Variants in KCNAB1 observed in about 807,000 individuals in gnomAD.
KCNAB1 encodes potassium voltage-gated channel subfamily A regulatory beta subunit 1.
In KCNAB1, 35 loss-of-function variants were observed where a neutral mutation model predicts 64.6. That is an observed-to-expected ratio of 0.54 (90% CI 0.41 to 0.72). The LOEUF (loss-of-function observed/expected upper bound fraction) is 0.72. Among genes scored for constraint, KCNAB1 ranks in the 30% least tolerant of loss-of-function variants. The probability of loss-of-function intolerance (pLI) is 0.00; values close to 1 mark genes in which losing one functional copy is unlikely to be tolerated. For synonymous variants in KCNAB1, 177 were observed against 183.8 expected (o/e 0.96, Z 0.30); for missense variants, 401 against 512.9 (o/e 0.78, Z 2.11).
intron 1 of KCNAB1, among the ~76,000 whole-genome samples, chr3:156,221,788 A>ACCCC (rs1560144079): frequency 7.3e-6 from 1 of 137,392 alleles, no homozygotes; most frequent in African/African-American, 2.7e-5. Flanking sequence ...CCCCCCGCCA[A>ACCCC]AAAAAAAGTT....
intron 1 of KCNAB1, among the ~76,000 whole-genome samples, chr3:156,295,274 T>C (rs1720702423): frequency 6.6e-6 from 1 of 152,176 alleles, no homozygotes; most frequent in African/African-American, 2.4e-5. Flanking sequence ...CCCATTTTGC[T>C]ATCCAGAGAC....
chr3:156,140,661 A>T (rs1198653427), intron 1 of KCNAB1, among the ~76,000 whole-genome samples: 2 of 152,230 alleles, frequency 1.3e-5, no homozygotes, highest in African/African-American at 4.8e-5. Flanking sequence ...CACTAAAAAA[A>T]TTCATTTAGG....
chr3:156,289,090 C>T (rs1720251140), intron 1 of KCNAB1, among the ~76,000 whole-genome samples: 1 of 152,188 alleles, frequency 6.6e-6, no homozygotes, highest in African/African-American at 2.4e-5. Context: ...TTCTAATAAC[C>T]TACTCCCTGT....
intron 6 of KCNAB1, 81 bp from the exon 7 acceptor site, chr3:156,465,562 A>T: frequency 7.6e-7 from 1 of 1,317,326 alleles, no homozygotes; most frequent in South Asian, 1.2e-5. Flanking sequence ...AGGGTGCAAA[A>T]TTAGCAATTC....
At chr3:156,282,171 G>A (rs1314487491) in intron 1 of KCNAB1, among the ~76,000 whole-genome samples, 1 of 144,262 alleles carries the variant, frequency 6.9e-6, no homozygotes, top group Admixed American at 6.8e-5. Context: ...TTGTGTCTTT[G>A]TTCTCGTTGG....
chr3:156,471,592 T>C (rs983592454), intron 7 of KCNAB1, among the ~76,000 whole-genome samples: 4 of 152,220 alleles, frequency 2.6e-5, no homozygotes, highest in African/African-American at 9.6e-5. Context: ...CCTCCTTAGG[T>C]TAAGATTGGC....
chr3:156,439,192 CAA>C (rs34540022), intron 2 of KCNAB1, among the ~76,000 whole-genome samples: 1 of 132,078 alleles, frequency 7.6e-6, no homozygotes, highest in Non-Finnish European at 1.6e-5. Flanking sequence ...TGTAAATTCT[CAA>C]AAAAAAAAGT....
At chr3:156,178,777 G>A (rs936921135) in intron 1 of KCNAB1, among the ~76,000 whole-genome samples, 3 of 151,920 alleles carry the variant, frequency 2.0e-5, no homozygotes, top group East Asian at 1.9e-4. Flanking sequence ...CGAGACGGGC[G>A]GATCACGAGG....
At chr3:156,449,218 G>C (rs190362924) in intron 2 of KCNAB1, among the ~76,000 whole-genome samples, 1 of 152,094 alleles carries the variant, frequency 6.6e-6, no homozygotes, top group Non-Finnish European at 1.5e-5. Flanking sequence ...AACAATTATT[G>C]CTATATTTTT....
chr3:156,325,827 A>G (rs557836032), intron 1 of KCNAB1, among the ~76,000 whole-genome samples: 54 of 152,222 alleles, frequency 3.5e-4, no homozygotes, highest in African/African-American at 1.3e-3. Context: ...AAATTGTCAT[A>G]CCAACTCAGG....
rs149290467 is a variant in KCNAB1 at position 156,344,326 on chromosome 3, G to A, written c.276-77290G>A. On this transcript the variant is annotated intron_variant, in intron 1 of 13. Coordinates refer to ENST00000490337, the MANE Select transcript of KCNAB1 (RefSeq NM_172160.3). ...AAGAACTGCTCAACTTCTCAGCGCT[G>A]ATTTTTTTATGCTCTCTTCTCTCCT... Among the ~76,000 whole-genome samples the A allele has an allele frequency of 2.9e-3, 440 of 152,290 alleles. 5 individuals carry two copies. Among genetic ancestry groups the A allele is most frequent in the African/African-American group, 0.01 (417 of 41,548 alleles).
At chr3:156,159,915 C>T (rs982112550) in intron 1 of KCNAB1, among the ~76,000 whole-genome samples, 1 of 152,188 alleles carries the variant, frequency 6.6e-6, no homozygotes, top group African/African-American at 2.4e-5. Context: ...AGACATAGTT[C>T]CTTCTCTAAA....
At chr3:156,463,081 T>C (rs1270101667) in intron 5 of KCNAB1, among the ~76,000 whole-genome samples, 1 of 152,142 alleles carries the variant, frequency 6.6e-6, no homozygotes, top group Admixed American at 6.5e-5. Context: ...CTCAAAGACA[T>C]TTTTTTCCTG....
rs1391625264 is a variant in KCNAB1, at chr3:156,290,871, A to G, written c.276-130745A>G. On this transcript the variant is annotated intron_variant, in intron 1 of 13. Transcript: ENST00000490337. ...AAGTCTGCACTGTGGCATCTCAGGA[A>G]ACCAAACTTATCTGCTTAAGAAATA... 11 of 795,378 alleles carry G rather than the reference A, an allele frequency of 1.4e-5. No homozygotes were observed. In the African/African-American group the frequency reaches 1.7e-4, roughly 12 times the overall value. 49.3% of individuals were successfully genotyped at this position (795,378 alleles called of 1,614,324 possible). A position where few individuals can be genotyped will look rare whatever the true frequency, so the allele number is the denominator to read the frequency against.
At chr3:156,270,218 A>G (rs1348324855) in intron 1 of KCNAB1, among the ~76,000 whole-genome samples, 1 of 152,096 alleles carries the variant, frequency 6.6e-6, no homozygotes, top group Admixed American at 6.5e-5. Flanking sequence ...GCCCGGCCAT[A>G]TCTTTTTTAA....
chr3:156,474,000 TA>T (rs1220169926), intron 7 of KCNAB1, among the ~76,000 whole-genome samples: 3 of 152,198 alleles, frequency 2.0e-5, no homozygotes, highest in Non-Finnish European at 4.4e-5. Context: ...ACCAAATGGT[TA>T]GGGCTGAAAC....
intron 1 of KCNAB1, chr3:156,176,816 G>A (rs967830969): frequency 2.3e-6 from 2 of 883,000 alleles, no homozygotes; most frequent in Non-Finnish European, 3.8e-6. Flanking sequence ...CGGCTCCAGG[G>A]CCCGATCCCG....
At chr3:156,529,556 T>A (rs1477819683) in intron 12 of KCNAB1, among the ~76,000 whole-genome samples, 1 of 151,050 alleles carries the variant, frequency 6.6e-6, no homozygotes, top group Non-Finnish European at 1.5e-5. Context: ...AGGAGTGTGT[T>A]AAAAATGCAC....
At chr3:156,288,029 A>G (rs79034206) in intron 1 of KCNAB1, among the ~76,000 whole-genome samples, 3,319 of 152,310 alleles carry the variant, frequency 0.022, 143 homozygotes, top group African/African-American at 0.076. Context: ...GGCTTAAACA[A>G]CAGAAAATTA....
Sources: allele counts gnomAD v4.1 joint callset (sites outside exome capture counted in the v4.1 genomes callset), GRCh38; gene constraint gnomAD v4.1.1; transcripts MANE v1.5; gene names NCBI Gene and HGNC (gene_info 2026-07-23, HGNC 2026-07-21).